Variants in ZNF804B observed in about 807,000 individuals in gnomAD.
ZNF804B encodes zinc finger protein 804B, also known as zinc finger 804B.
In ZNF804B, 80 loss-of-function variants were observed where a neutral mutation model predicts 101.4. The ratio of observed to expected loss-of-function variants is 0.79; its 90% CI spans 0.66 to 0.95. The LOEUF (loss-of-function observed/expected upper bound fraction) is 0.95. ZNF804B is among the 40% of genes least tolerant of loss of function. The pLI, the probability that ZNF804B is intolerant of heterozygous loss-of-function variation, is 0.00. For missense variants in ZNF804B, 1,673 were observed against 1,561.9 expected (o/e 1.07, Z -1.20); for synonymous variants, 622 against 558.8 (o/e 1.11, Z -1.59).
chr7:88,795,812 A>C (rs2046881652), intron 1 of ZNF804B: 1 of 152,112 alleles, frequency 6.6e-6, no homozygotes, highest in Admixed American at 6.6e-5. Context: ...CCAGAGCGCC[A>C]AGTTTCTTAA....
chr7:89,223,606 ATTATTTATTTAT>A (rs35199718), intron 2 of ZNF804B, among the ~76,000 whole-genome samples: 1 of 146,834 alleles, frequency 6.8e-6, no homozygotes, highest in African/African-American at 2.5e-5. Flanking sequence ...AAAAATTAAG[ATTATTTATTTAT>A]TTATTTATTT....
At chr7:89,295,945 C>G (rs1790375404) in intron 2 of ZNF804B, among the ~76,000 whole-genome samples, 1 of 152,078 alleles carries the variant, frequency 6.6e-6, no homozygotes, top group Non-Finnish European at 1.5e-5. Flanking sequence ...GGGAGCTAAG[C>G]TTTGAATACG....
intron 2 of ZNF804B, among the ~76,000 whole-genome samples, chr7:89,317,448 G>A (rs1486827629): frequency 6.6e-6 from 1 of 152,202 alleles, no homozygotes; most frequent in Non-Finnish European, 1.5e-5. Flanking sequence ...GACTAAATGC[G>A]AAGCAAAGAA....
At chr7:89,087,825 A>C (rs1476796528) in intron 1 of ZNF804B, among the ~76,000 whole-genome samples, 1 of 151,868 alleles carries the variant, frequency 6.6e-6, no homozygotes, top group Non-Finnish European at 1.5e-5. Flanking sequence ...TATATGTACT[A>C]TGTACTGGGC....
At position 89,251,402 on chromosome 7, in the gene ZNF804B, G is replaced by A. The variant is rs113279092; in HGVS notation, c.249+33107G>A. On this transcript the variant is annotated intron_variant, in intron 2 of 3. Transcript: ENST00000333190. ...TAGGAATACATCTAACCAAGGAAGTGAAAGAAACAAGACATCTACAAAATA... is the reference window on the plus strand; with the variant it reads ...TAGGAATACATCTAACCAAGGAAGTAAAAGAAACAAGACATCTACAAAATA... Among the ~76,000 whole-genome samples, 373 of 152,136 alleles carry A rather than the reference G, an allele frequency of 2.5e-3. 3 individuals carry two copies. Among genetic ancestry groups the A allele is most frequent in the African/African-American group, 8.7e-3 (361 of 41,516 alleles).
intron 1 of ZNF804B, among the ~76,000 whole-genome samples, chr7:89,182,437 A>G (rs1289027181): frequency 6.6e-6 from 1 of 152,192 alleles, no homozygotes; most frequent in Non-Finnish European, 1.5e-5. Flanking sequence ...ACTGTCCTTG[A>G]TAATCCCATG....
chr7:88,835,045 A>T (rs1372534927), intron 1 of ZNF804B, among the ~76,000 whole-genome samples: 1 of 151,854 alleles, frequency 6.6e-6, no homozygotes, highest in Non-Finnish European at 1.5e-5. Flanking sequence ...GAACTGTAGT[A>T]CTCATTGTAT....
intron 1 of ZNF804B, among the ~76,000 whole-genome samples, chr7:88,890,578 G>T (rs749055018): frequency 2.6e-5 from 4 of 152,002 alleles, no homozygotes; most frequent in Non-Finnish European, 4.4e-5. Context: ...ATAGGAGTTT[G>T]GTAGATTTCT....
intron 1 of ZNF804B, among the ~76,000 whole-genome samples, chr7:88,914,609 G>A (rs2115982912): frequency 6.6e-6 from 1 of 152,162 alleles, no homozygotes; most frequent in Non-Finnish European, 1.5e-5. Context: ...TTCAATTTTG[G>A]TTTCCTTGCA....
rs1279819858 is a variant in ZNF804B, at chr7:89,056,070, T to A, written c.109-162085T>A. Among the ~76,000 whole-genome samples, 6 of 152,126 alleles carry A rather than the reference T, an allele frequency of 3.9e-5. No individual in the cohort carries two copies. In the East Asian group the frequency reaches 9.7e-4, roughly 24 times the overall value. On this transcript the variant is annotated intron_variant, in intron 1 of 3. Coordinates refer to ENST00000333190, the MANE Select transcript of ZNF804B (RefSeq NM_181646.5). ...CTCTCCCTGTAATTGGAAGTGGAGA[T>A]GCAAGACAAGGTTAGAGGAGCATTG...
intron 1 of ZNF804B, among the ~76,000 whole-genome samples, chr7:88,931,366 C>T (rs1297396553): frequency 1.3e-5 from 2 of 151,762 alleles, no homozygotes; most frequent in African/African-American, 4.8e-5. Flanking sequence ...ATTGGGATTG[C>T]TGTTATTGTT....
chr7:89,220,126 CG>C (rs1788978811), intron 2 of ZNF804B, among the ~76,000 whole-genome samples: 1 of 129,914 alleles, frequency 7.7e-6, no homozygotes, highest in African/African-American at 3.1e-5. Flanking sequence ...CATATATATA[CG>C]CACACATATA....
chr7:88,946,571 G>C (rs200966840), intron 1 of ZNF804B, among the ~76,000 whole-genome samples: 1 of 95,520 alleles, frequency 1.0e-5, no homozygotes, highest in Admixed American at 1.1e-4. Context: ...TTTTTTTTTT[G>C]TTTTATCTCT....
intron 1 of ZNF804B, among the ~76,000 whole-genome samples, chr7:89,139,097 C>T (rs1395878342): frequency 1.3e-5 from 2 of 151,988 alleles, no homozygotes; most frequent in African/African-American, 4.8e-5. Context: ...GCAAATTTTG[C>T]AATACAGTGA....
At chr7:89,054,920 A>T (rs1789267395) in intron 1 of ZNF804B, among the ~76,000 whole-genome samples, 1 of 152,096 alleles carries the variant, frequency 6.6e-6, no homozygotes, top group African/African-American at 2.4e-5. Flanking sequence ...GATACTTATC[A>T]GTAAATACAA....
chr7:89,308,578 C>G (rs983384312), intron 2 of ZNF804B, among the ~76,000 whole-genome samples: 3 of 152,126 alleles, frequency 2.0e-5, no homozygotes, highest in African/African-American at 7.2e-5. Flanking sequence ...CTTTCTTTTA[C>G]CACCATCTGC....
intron 2 of ZNF804B, among the ~76,000 whole-genome samples, chr7:89,291,387 GAGA>G (rs1464898210): frequency 6.6e-6 from 1 of 152,150 alleles, no homozygotes; most frequent in Non-Finnish European, 1.5e-5. Flanking sequence ...TCATAACACA[GAGA>G]AGGAATTCAG....
In ZNF804B at chr7:88,877,026, A is replaced by T. The variant is rs1216015897; in HGVS notation, c.108+116942A>T. On this transcript the variant is annotated intron_variant, in intron 1 of 3. Transcript: ENST00000333190. The stretch of plus-strand genomic sequence containing the variant: ...AAAAAAAATATATATATATATATAT[A>T]ATATATATATATATATATATATATT... 3.9e-4 allele frequency among the ~76,000 whole-genome samples: 16 copies of T among 41,100 alleles called. 1 individual carries two copies. The highest frequency in any genetic ancestry group is 2.3e-3 in the African/African-American group (14 of 6,004). 27.0% of individuals were successfully genotyped at this position (41,100 alleles called of 152,430 possible). A position where few individuals can be genotyped will look rare whatever the true frequency, so the allele number is the denominator to read the frequency against.
At chr7:89,279,504 T>A (rs1349160729) in intron 2 of ZNF804B, among the ~76,000 whole-genome samples, 5 of 151,324 alleles carry the variant, frequency 3.3e-5, no homozygotes, top group African/African-American at 1.2e-4. Flanking sequence ...TAGATAGCTC[T>A]TATTATTTTG....
Sources: allele counts gnomAD v4.1 joint callset (sites outside exome capture counted in the v4.1 genomes callset), GRCh38; gene constraint gnomAD v4.1.1; transcripts MANE v1.5; gene names NCBI Gene and HGNC (gene_info 2026-07-23, HGNC 2026-07-21).